NFATC1: variants seen among roughly 807,000 people sequenced by gnomAD.
NFATC1 encodes nuclear factor of activated T cells 1.
In NFATC1, 22 loss-of-function variants were observed where a neutral mutation model predicts 76.0. The ratio of observed to expected loss-of-function variants is 0.29; its 90% CI spans 0.21 to 0.41. The LOEUF (loss-of-function observed/expected upper bound fraction) is 0.41, where lower values mean the gene tolerates loss of function less well. Among genes scored for constraint, NFATC1 ranks in the 10% least tolerant of loss-of-function variants. The pLI is 1.00. For missense variants in NFATC1, 1,357 were observed against 1,337.7 expected (o/e 1.01, Z -0.23); for synonymous variants, 704 against 613.1 (o/e 1.15, Z -2.19).
rs550410457 is a variant in NFATC1, at chr18:79,497,364, G to A, written c.2782+10427G>A. The A allele has an allele frequency of 3.3e-5, 5 of 152,330 alleles. No individual in the cohort carries two copies. In the South Asian group the frequency reaches 8.3e-4, roughly 25 times the overall value. 9.4% of individuals were successfully genotyped at this position (152,330 alleles called of 1,614,324 possible). A position where few individuals can be genotyped will look rare whatever the true frequency, so the allele number is the denominator to read the frequency against. ...AACAGGATGGCAGCGTCTTCACTTG[G>A]GGCCGCTCCAGCCCCGAGGCGCACA... On this transcript the variant is annotated intron_variant, in intron 9 of 9. Coordinates refer to ENST00000427363, the MANE Select transcript of NFATC1 (RefSeq NM_001278669.2).
intron 1 of NFATC1, among the ~76,000 whole-genome samples, chr18:79,399,458 T>C (rs1600568945): frequency 6.6e-6 from 1 of 152,090 alleles, no homozygotes; most frequent in Non-Finnish European, 1.5e-5. Flanking sequence ...CCCACCATCC[T>C]CCTACTATTC....
chr18:79,455,045 C>T (rs761736572), intron 6 of NFATC1, among the ~76,000 whole-genome samples: 99 of 152,194 alleles, frequency 6.5e-4, no homozygotes, highest in Non-Finnish European at 1.2e-3. Flanking sequence ...AACGTGAGCT[C>T]GGGCTGTGTC....
chr18:79,517,874 A>T (rs949085740), intron 9 of NFATC1, among the ~76,000 whole-genome samples: 1 of 152,240 alleles, frequency 6.6e-6, no homozygotes, highest in African/African-American at 2.4e-5. Flanking sequence ...CTTTTTAAAA[A>T]TTGACACAAA....
Position 79,433,629 on chromosome 18 carries a change from A to T in NFATC1, c.1277A>T (p.Tyr426Phe). Reference sequence around the variant, plus strand: ...CAGCTGCCGTCCCACTCAGGCCCGTATGAGCTTCGGATTGAGGTGCAGCCC... The same window carrying T: ...CAGCTGCCGTCCCACTCAGGCCCGTTTGAGCTTCGGATTGAGGTGCAGCCC... The part of the protein sequence containing the change: ...DWQLPSHSGP[Y>F]ELRIEVQPKS... The change falls in exon 3 of 10, where the codon TAT becomes TTT. Residue 426 changes from tyrosine to phenylalanine, a missense_variant. Physicochemically the swap from Tyr to Phe is conservative, Grantham distance 22. This residue lies in a region of NFATC1 where 691 missense variants were observed against 613.1 expected (regional missense o/e 1.13). Transcript: ENST00000427363. 6.2e-7 allele frequency: 1 copy of T among 1,612,912 alleles called. No homozygotes were observed. The highest frequency in any genetic ancestry group is 8.5e-7 in the Non-Finnish European group (1 of 1,179,900).
At chr18:79,495,052 C>T (rs2089838683) in intron 9 of NFATC1, among the ~76,000 whole-genome samples, 1 of 152,254 alleles carries the variant, frequency 6.6e-6, no homozygotes, top group Non-Finnish European at 1.5e-5. Context: ...GCTGCAGTGG[C>T]AAGTCTGCCC....
chr18:79,456,197 G>GCTGTCACGGAACCACCGTGGCCTTGGC (rs1460162717), intron 6 of NFATC1, among the ~76,000 whole-genome samples: 2 of 152,130 alleles, frequency 1.3e-5, no homozygotes, highest in Non-Finnish European at 2.9e-5. Context: ...GTGGCTTTGG[G>GCTGTCACGGAACCACCGTGGCCTTGGC]CTGTCACGGA....
intron 4 of NFATC1, 93 bp downstream of exon 4, chr18:79,449,077 A>T: frequency 1.6e-6 from 2 of 1,270,222 alleles, no homozygotes; most frequent in Non-Finnish European, 2.2e-6. Flanking sequence ...AGCCCCCCGC[A>T]CTTCCAGGCT....
chr18:79,440,341 T>C (rs2086926135), intron 3 of NFATC1, among the ~76,000 whole-genome samples: 1 of 152,298 alleles, frequency 6.6e-6, no homozygotes, highest in South Asian at 2.1e-4. Flanking sequence ...CACTGGAACA[T>C]GCTCTATCCC....
intron 1 of NFATC1, among the ~76,000 whole-genome samples, chr18:79,398,145 G>A (rs2085067054): frequency 6.6e-6 from 1 of 152,234 alleles, no homozygotes; most frequent in South Asian, 2.1e-4. Flanking sequence ...CCATCTGGGT[G>A]GAAGCTCATT....
At chr18:79,485,960 C>T (rs931023205) in intron 8 of NFATC1, among the ~76,000 whole-genome samples, 1 of 152,264 alleles carries the variant, frequency 6.6e-6, no homozygotes, top group African/African-American at 2.4e-5. Flanking sequence ...AACCCACAGG[C>T]CCCTGGGTCC....
At chr18:79,446,795 G>A (rs2144751211) in intron 3 of NFATC1, among the ~76,000 whole-genome samples, 1 of 152,316 alleles carries the variant, frequency 6.6e-6, no homozygotes, top group South Asian at 2.1e-4. Flanking sequence ...GGTGGCCTTG[G>A]GTGCAGAGAC....
chr18:79,511,544 C>T (rs1196621344), intron 9 of NFATC1, among the ~76,000 whole-genome samples: 2 of 152,160 alleles, frequency 1.3e-5, no homozygotes, highest in Non-Finnish European at 2.9e-5. Flanking sequence ...CAGTGGCGGC[C>T]GTGGAGGGAA....
chr18:79,422,491 C>CT (rs1291660943), intron 2 of NFATC1: 1 of 152,252 alleles, frequency 6.6e-6, no homozygotes, highest in Non-Finnish European at 1.5e-5. Context: ...GGCACTTCCC[C>CT]GCCCTCCGGA....
intron 2 of NFATC1, among the ~76,000 whole-genome samples, chr18:79,427,891 T>TGTAGGGGGAGCTGGA (rs2086446944): frequency 1.8e-4 from 10 of 54,546 alleles, no homozygotes; most frequent in African/African-American, 7.7e-4. Flanking sequence ...GTGCAGTGAG[T>TGTAGGGGGAGCTGGA]CGGGGAGGGG....
chr18:79,464,698 A>ATAT (rs1329123171), intron 7 of NFATC1, among the ~76,000 whole-genome samples: 18 of 94,844 alleles, frequency 1.9e-4, no homozygotes, highest in African/African-American at 4.4e-4. Flanking sequence ...ATATATATTT[A>ATAT]TTTATTTATT....
chr18:79,508,732 T>C (rs1418483130), intron 9 of NFATC1, among the ~76,000 whole-genome samples: 1 of 151,878 alleles, frequency 6.6e-6, no homozygotes, highest in Admixed American at 6.6e-5. Flanking sequence ...TGTCCCTCTC[T>C]CCATCCATCT....
chr18:79,427,549 A>G, intron 2 of NFATC1, among the ~76,000 whole-genome samples: 1 of 50,552 alleles, frequency 2.0e-5, no homozygotes. Flanking sequence ...GGGGAGCTGG[A>G]CGGCTGGCCT....
Position 79,473,652 on chromosome 18 carries a change from C to T in NFATC1, c.2092+6070C>T, listed in dbSNP as rs1323681990. Among the ~76,000 whole-genome samples, 7 of 140,594 alleles carry T rather than the reference C, an allele frequency of 5.0e-5. No individual in the cohort carries two copies. The East Asian group carries it at 9.2e-4, about 18-fold the overall frequency. The allele number at this position is 140,594 out of a possible 152,430, so 92.2% of individuals were successfully genotyped here. A position where few individuals can be genotyped will look rare whatever the true frequency, so the allele number is the denominator to read the frequency against. On this transcript the variant is annotated intron_variant, in intron 8 of 9. Coordinates refer to ENST00000427363, the MANE Select transcript of NFATC1 (RefSeq NM_001278669.2). ...ACGTTGCAAGGGAAGCGTGTTCTCGCGCTCACTGTCGACGTTGTAAACCTG... is the reference window on the plus strand; with the variant it reads ...ACGTTGCAAGGGAAGCGTGTTCTCGTGCTCACTGTCGACGTTGTAAACCTG...
chr18:79,400,534 C>T (rs2148127996), intron 1 of NFATC1: 4 of 1,305,926 alleles, frequency 3.1e-6, no homozygotes, highest in South Asian at 2.0e-5. Flanking sequence ...GGTTTGGGGG[C>T]GCCCAGGCCC....
Sources: gnomAD v4.1 joint callset for allele counts (sites outside exome capture counted in the v4.1 genomes callset) on GRCh38, gnomAD v4.1.1 for gene constraint, gnomAD v4.1.1 regional missense constraint, MANE v1.5 for transcripts, NCBI Gene and HGNC (gene_info 2026-07-23, HGNC 2026-07-21) for gene names.